TSHZ3: variants seen among roughly 807,000 people sequenced by gnomAD.
TSHZ3 encodes teashirt zinc finger homeobox 3, also known as teashirt homolog 3.
Under a neutral mutation model 64.5 loss-of-function variants are expected in TSHZ3, and 10 were observed. The observed-to-expected ratio is 0.16, with a 90% CI of 0.10 to 0.26. TSHZ3 has a LOEUF of 0.26. Among genes scored for constraint, TSHZ3 ranks in the 10% least tolerant of loss-of-function variants. TSHZ3 has a pLI of 1.00. For missense variants in TSHZ3, 1,242 were observed against 1,421.7 expected (o/e 0.87, Z 2.03); for synonymous variants, 608 against 593.1 (o/e 1.03, Z -0.36).
chr19:31,269,389 C>G (rs1026149684), intron 1 of TSHZ3, among the ~76,000 whole-genome samples: 1 of 152,166 alleles, frequency 6.6e-6, no homozygotes, highest in Admixed American at 6.5e-5. Context: ...GACCGTACCT[C>G]CATTTTTTTT....
At chr19:31,204,022 C>T (rs138367743) in intron 5 of TSHZ3, among the ~76,000 whole-genome samples, 17 of 152,226 alleles carry the variant, frequency 1.1e-4, no homozygotes, top group African/African-American at 3.9e-4. Context: ...CACATGGCTG[C>T]AAGAGAGCGA....
intron 5 of TSHZ3, among the ~76,000 whole-genome samples, chr19:31,193,169 T>A (rs1974937602): frequency 6.6e-6 from 1 of 152,136 alleles, no homozygotes; most frequent in African/African-American, 2.4e-5. Context: ...TTCTGAGCAT[T>A]TTTTCATGAC....
intron 3 of TSHZ3, among the ~76,000 whole-genome samples, chr19:31,240,544 G>T (rs1975674536): frequency 6.6e-6 from 1 of 152,230 alleles, no homozygotes; most frequent in African/African-American, 2.4e-5. Context: ...TTACACCTAT[G>T]AAAAGATGGA....
At chr19:31,312,318 T>C (rs1259777056) in intron 1 of TSHZ3, among the ~76,000 whole-genome samples, 1 of 152,226 alleles carries the variant, frequency 6.6e-6, no homozygotes. Context: ...ATGGGGCTAA[T>C]GACTGTGTTG....
At chr19:31,220,530 C>A (rs964662524) in intron 4 of TSHZ3, among the ~76,000 whole-genome samples, 1 of 152,126 alleles carries the variant, frequency 6.6e-6, no homozygotes, top group Admixed American at 6.5e-5. Flanking sequence ...GGGAAGAAAT[C>A]AAGAGTACTT....
At chr19:31,273,494 G>A (rs148048806), downstream of TSHZ3, among the ~76,000 whole-genome samples, 95 of 152,272 alleles carry the variant, frequency 6.2e-4, no homozygotes, top group Admixed American at 2.2e-3. Flanking sequence ...GGGTTCCACC[G>A]TCACTCGTAC....
intron 1 of TSHZ3, among the ~76,000 whole-genome samples, chr19:31,338,526 A>G (rs1917321028): frequency 6.6e-6 from 1 of 151,694 alleles, no homozygotes; most frequent in African/African-American, 2.4e-5. Flanking sequence ...GATTTTTTTA[A>G]TAGTTATATT....
Position 31,279,852 on chromosome 19 carries a change from TC to T in TSHZ3, c.41-101del. On this transcript the variant is annotated intron_variant, in intron 1 of 1. Coordinates refer to ENST00000240587, the MANE Select transcript of TSHZ3 (RefSeq NM_020856.4). This position sits in a 1 kb window ranked among gnomAD's most constrained non-coding sequence, Gnocchi z 6.4. ...AAAAAAAAGCATTAGTACTTGTTGA[TC>T]TTACCTAGAATATGTTCTGGGCTCT... 3.6e-6 allele frequency: 4 copies of T among 1,097,372 alleles called. No individual in the cohort carries two copies. The highest frequency in any genetic ancestry group is 4.9e-6 in the Non-Finnish European group (4 of 815,432). The allele number at this position is 1,097,372 out of a possible 1,614,324, so 68.0% of individuals were successfully genotyped here.
At chr19:31,341,876 C>T (rs75066300) in intron 1 of TSHZ3, among the ~76,000 whole-genome samples, 5 of 152,250 alleles carry the variant, frequency 3.3e-5, no homozygotes, top group East Asian at 1.9e-4. Context: ...TTTAAGAAAA[C>T]GGGCATTAAG....
At chr19:31,340,208 T>C (rs887876566) in intron 1 of TSHZ3, among the ~76,000 whole-genome samples, 1 of 151,880 alleles carries the variant, frequency 6.6e-6, no homozygotes, top group African/African-American at 2.4e-5. Context: ...CTGTCAATAA[T>C]TGTAGGGAGC....
chr19:31,348,486 A>T (rs1313376062), intron 1 of TSHZ3, among the ~76,000 whole-genome samples: 1 of 144,656 alleles, frequency 6.9e-6, no homozygotes, highest in African/African-American at 2.5e-5. Flanking sequence ...AAAAAAAAGG[A>T]GGAACAAAAA....
At chr19:31,172,358 G>A (rs1162153871) in intron 5 of TSHZ3, among the ~76,000 whole-genome samples, 1 of 152,170 alleles carries the variant, frequency 6.6e-6, no homozygotes, top group Non-Finnish European at 1.5e-5. Context: ...CAAAAATTTG[G>A]TATAATATTT....
chr19:31,287,921 G>A (rs1020384545), intron 1 of TSHZ3, among the ~76,000 whole-genome samples: 2 of 151,934 alleles, frequency 1.3e-5, no homozygotes, highest in Non-Finnish European at 2.9e-5. Flanking sequence ...ATTTTCAAAT[G>A]ACAGAGGGTG....
intron 3 of TSHZ3, among the ~76,000 whole-genome samples, chr19:31,229,987 C>T (rs1975517590): frequency 1.3e-5 from 2 of 152,240 alleles, no homozygotes; most frequent in South Asian, 2.1e-4. Flanking sequence ...TAGAGGGTAA[C>T]TTGGCAAAAT....
At chr19:31,190,874 AAT>A (rs1250602828) in intron 5 of TSHZ3, among the ~76,000 whole-genome samples, 2 of 117,554 alleles carry the variant, frequency 1.7e-5, no homozygotes, top group African/African-American at 6.6e-5. Context: ...ATTTAAAAAA[AAT>A]AAATAAAAAT....
Position 31,277,869 on chromosome 19 carries a change from T to A in TSHZ3, c.1924A>T (p.Thr642Ser), listed in dbSNP as rs760692825. The A allele has an allele frequency of 1.1e-5, 18 of 1,605,896 alleles. No individual in the cohort carries two copies. The highest frequency in any genetic ancestry group is 1.5e-5 in the Non-Finnish European group (18 of 1,176,446). ...DGKLSPPKRA[T>S]PSPCSSEVGE... ...ACTTCGCTGCTACATGGGGAGGGAG[T>A]GGCCCGCTTGGGCGGGGAAAGCTTC... is the stretch of plus-strand genomic sequence containing the variant. Residue 642 changes from threonine (T) to serine (S), a missense_variant, in exon 2 of 2, where the codon ACT (threonine) becomes TCT (serine). Coordinates refer to ENST00000240587, the MANE Select transcript of TSHZ3 (RefSeq NM_020856.4). This position sits in a 1 kb window ranked among gnomAD's most constrained non-coding sequence, Gnocchi z 4.5.
Position 31,279,679 on chromosome 19 carries a change from A to G in TSHZ3, c.114T>C (p.Asp38=), listed in dbSNP as rs764806015. 5.7e-6 allele frequency: 9 copies of G among 1,583,706 alleles called. No individual in the cohort carries two copies. Among genetic ancestry groups the G allele is most frequent in the Non-Finnish European group, 7.7e-6 (9 of 1,163,398 alleles). ...EGLDPEEHTA[D]GEPSAKYMCP... Reference sequence around the variant, plus strand: ...ACATGTACTTGGCCGAGGGCTCTCCATCTGCCGTATGCTCCTCTGGGTCTA... The same window carrying G: ...ACATGTACTTGGCCGAGGGCTCTCCGTCTGCCGTATGCTCCTCTGGGTCTA... The change falls in exon 2 of 2, where the codon GAT becomes GAC. Residue 38 remains aspartate, a synonymous_variant. Coordinates refer to ENST00000240587, the MANE Select transcript of TSHZ3 (RefSeq NM_020856.4). This position sits in a 1 kb window ranked among gnomAD's most constrained non-coding sequence, Gnocchi z 6.4.
intron 1 of TSHZ3, among the ~76,000 whole-genome samples, chr19:31,297,091 C>T (rs1157802421): frequency 6.6e-6 from 1 of 152,204 alleles, no homozygotes; most frequent in Non-Finnish European, 1.5e-5. Context: ...GCACCCCTAA[C>T]CACAGGCAGG....
At chr19:31,265,411 A>G (rs1976040996) in intron 1 of TSHZ3, among the ~76,000 whole-genome samples, 1 of 149,910 alleles carries the variant, frequency 6.7e-6, no homozygotes, top group Non-Finnish European at 1.5e-5. Context: ...AAAAAAAAAA[A>G]AAAAAAAAAG....
Sources: gnomAD v4.1 joint callset for allele counts (sites outside exome capture counted in the v4.1 genomes callset) on GRCh38, gnomAD v4.1.1 for gene constraint, Gnocchi (gnomAD v3.1) non-coding constraint, MANE v1.5 for transcripts, NCBI Gene and HGNC (gene_info 2026-07-23, HGNC 2026-07-21) for gene names.